The following LMF1 variants were observed in gnomAD, a reference collection of about 807,000 sequenced individuals.
LMF1 encodes transmembrane protein 112.
A neutral mutation model predicts 60.6 loss-of-function variants in LMF1; 68 were observed. The observed-to-expected ratio is 1.12, with a 90% CI of 0.92 to 1.37. The LOEUF (loss-of-function observed/expected upper bound fraction) is 1.37. Among genes scored for constraint, LMF1 ranks in the 40% most tolerant of loss-of-function variants. The pLI, the probability that LMF1 is intolerant of heterozygous loss-of-function variation, is 0.00. For missense variants in LMF1, 948 were observed against 767.2 expected, an observed-to-expected ratio of 1.24 and a Z score of -2.78; for synonymous variants, 418 against 324.7, an observed-to-expected ratio of 1.29 and a Z score of -3.09.
intron 3 of LMF1, among the ~76,000 whole-genome samples, chr16:930,623 G>A (rs961813841): frequency 3.3e-5 from 5 of 152,240 alleles, no homozygotes; most frequent in Admixed American, 6.5e-5. Flanking sequence ...CACTAGCGAC[G>A]GGGGCTGTGC....
At chr16:893,853 C>T (rs982159514) in intron 4 of LMF1, among the ~76,000 whole-genome samples, 3 of 152,242 alleles carry the variant, frequency 2.0e-5, no homozygotes, top group Middle Eastern at 3.4e-3. Context: ...CACAGATTCA[C>T]ATCCAGCGTC....
In LMF1 at chr16:856,030, T is replaced by G. The variant is rs1232956290; in HGVS notation, c.1530-1324A>C. ...GAAAACCGGGAAGACAGAGACCCTCTGGGTGGAGGAGGGTCCCTGAGGCGC... is the reference window on the plus strand; with the variant it reads ...GAAAACCGGGAAGACAGAGACCCTCGGGGTGGAGGAGGGTCCCTGAGGCGC... On this transcript the variant is annotated intron_variant, in intron 10 of 10. Transcript: ENST00000262301. The G allele has an allele frequency of 8.9e-6, 4 of 451,656 alleles. No individual in the cohort carries two copies. The East Asian group carries it at 2.8e-4, about 31-fold the overall frequency. The allele number at this position is 451,656 out of a possible 1,614,324, so 28.0% of individuals were successfully genotyped here.
intron 3 of LMF1, chr16:933,083 C>G (rs1311449380): frequency 6.6e-6 from 1 of 152,228 alleles, no homozygotes; most frequent in African/African-American, 2.4e-5. Flanking sequence ...GAAATAATTC[C>G]TTGCTTCTTG....
Position 962,664 on chromosome 16 carries a change from G to C in LMF1, c.194-7998C>G, listed in dbSNP as rs377211188. Among the ~76,000 whole-genome samples, 1 of 152,198 alleles carries C rather than the reference G, an allele frequency of 6.6e-6. No individual in the cohort carries two copies. Among genetic ancestry groups the C allele is most frequent in the Admixed American group, 6.5e-5 (1 of 15,286 alleles). On this transcript the variant is annotated intron_variant, in intron 1 of 10. Transcript: ENST00000262301. This position sits in a 1 kb window ranked among gnomAD's most constrained non-coding sequence, Gnocchi z 4.5. Reference sequence around the variant, plus strand: ...TACAGACGCCATGACAGGCCTGCTTGACACTGTCAAGGTCGGAATCCTGCA... The same window carrying C: ...TACAGACGCCATGACAGGCCTGCTTCACACTGTCAAGGTCGGAATCCTGCA...
chr16:921,787 C>T (rs73499221), intron 3 of LMF1, among the ~76,000 whole-genome samples: 17,855 of 152,182 alleles, frequency 0.12, 1,195 homozygotes, highest in Non-Finnish European at 0.16. Context: ...CAGCAAACCC[C>T]GTGAACAGAA....
intron 1 of LMF1, among the ~76,000 whole-genome samples, chr16:955,487 C>CT (rs2072675150): frequency 8.0e-6 from 1 of 125,150 alleles, no homozygotes; most frequent in Non-Finnish European, 1.7e-5. Context: ...ACACACACAT[C>CT]TAAGTAAACT....
chr16:889,018 G>A (rs959965412), intron 5 of LMF1, among the ~76,000 whole-genome samples: 9 of 152,188 alleles, frequency 5.9e-5, no homozygotes, highest in South Asian at 2.1e-4. Flanking sequence ...GAGAGCAAGC[G>A]GCCGTCCATG....
At chr16:974,065 G>T (rs1020385226), upstream of LMF1, among the ~76,000 whole-genome samples, 2 of 151,908 alleles carry the variant, frequency 1.3e-5, no homozygotes, top group Non-Finnish European at 2.9e-5. Context: ...GCCCTGCACT[G>T]GTGTTTCAGA....
chr16:918,419 A>C lies in LMF1; in HGVS notation c.515-7340T>G, dbSNP rs77101970. Among the ~76,000 whole-genome samples, 408 of 152,316 alleles carry C rather than the reference A, an allele frequency of 2.7e-3. 5 individuals carry two copies. Among genetic ancestry groups the C allele is most frequent in the African/African-American group, 9.4e-3 (392 of 41,572 alleles). Reference sequence around the variant, plus strand: ...TTTATTGGTTTTGGATAAATACGAAAATGCTTCCCGTCCACGGAAATTAGA... The same window carrying C: ...TTTATTGGTTTTGGATAAATACGAACATGCTTCCCGTCCACGGAAATTAGA... On this transcript the variant is annotated intron_variant, in intron 3 of 10. Transcript: ENST00000262301.
At chr16:919,472 C>T (rs1183853405) in intron 3 of LMF1, among the ~76,000 whole-genome samples, 1 of 87,814 alleles carries the variant, frequency 1.1e-5, no homozygotes, top group Non-Finnish European at 2.1e-5. Flanking sequence ...CTCCAGCGCT[C>T]GCGTGAGGAC....
chr16:914,823 A>G (rs1321599862), intron 3 of LMF1, among the ~76,000 whole-genome samples: 1 of 121,738 alleles, frequency 8.2e-6, no homozygotes. Context: ...TCCCATGACC[A>G]TCTCCCTCTC....
chr16:948,432 C>CCAACGACAGAGTCAGAGA (rs1236672312), intron 2 of LMF1, among the ~76,000 whole-genome samples: 2 of 139,092 alleles, frequency 1.4e-5, no homozygotes, highest in African/African-American at 5.4e-5. Context: ...ACAGAGTCAG[C>CCAACGACAGAGTCAGAGA]CAACGACAGA....
Position 853,883 on chromosome 16 carries a change from G to GT in LMF1, c.*648_*649insA, listed in dbSNP as rs1249717544. 2.2e-6 allele frequency: 1 copy of GT among 454,142 alleles called. No individual in the cohort carries two copies. Among genetic ancestry groups the GT allele is most frequent in the Non-Finnish European group, 4.4e-6 (1 of 226,792 alleles). The allele number at this position is 454,142 out of a possible 1,614,324, so 28.1% of individuals were successfully genotyped here. Reference sequence around the variant, plus strand: ...CACCTCACAGACACCAGTCATGGGGGGATGAAACCGGGCCAAGAACACATG... The same window carrying GT: ...CACCTCACAGACACCAGTCATGGGGGTGATGAAACCGGGCCAAGAACACATG... On this transcript the variant is annotated 3_prime_UTR_variant, in exon 11 of 11. Transcript: ENST00000262301.
At chr16:889,038 T>C (rs746665127) in intron 5 of LMF1, among the ~76,000 whole-genome samples, 7 of 152,172 alleles carry the variant, frequency 4.6e-5, no homozygotes, top group Non-Finnish European at 8.8e-5. Flanking sequence ...GCATCCCCGG[T>C]GTCTCATGGG....
chr16:870,398 T>C (rs550811551), intron 8 of LMF1, among the ~76,000 whole-genome samples: 2 of 152,324 alleles, frequency 1.3e-5, no homozygotes, highest in East Asian at 3.9e-4. Flanking sequence ...AGGGTGCCTG[T>C]GTTCAGGTGG....
At chr16:916,473 T>C (rs1410270242) in intron 3 of LMF1, among the ~76,000 whole-genome samples, 1 of 152,232 alleles carries the variant, frequency 6.6e-6, no homozygotes, top group African/African-American at 2.4e-5. Context: ...GCTGAAAAGT[T>C]ATGAAATAGC....
At chr16:941,401 G>C (rs2072097950) in intron 2 of LMF1, among the ~76,000 whole-genome samples, 1 of 152,054 alleles carries the variant, frequency 6.6e-6, no homozygotes, top group Non-Finnish European at 1.5e-5. Context: ...TGTATTTTTA[G>C]TAAAGATGAG....
At chr16:965,661 T>G (rs541290052) in intron 1 of LMF1, among the ~76,000 whole-genome samples, 12 of 151,982 alleles carry the variant, frequency 7.9e-5, no homozygotes, top group Non-Finnish European at 1.6e-4. Flanking sequence ...GGGGATACAC[T>G]CCAGCAAAAA....
intron 3 of LMF1, among the ~76,000 whole-genome samples, chr16:927,180 C>T (rs766809168): frequency 5.9e-5 from 9 of 152,230 alleles, no homozygotes; most frequent in Non-Finnish European, 7.3e-5. Flanking sequence ...CCCTTTCTCA[C>T]CTTGGAAATG....
Sources: allele counts gnomAD v4.1 joint callset (sites outside exome capture counted in the v4.1 genomes callset), GRCh38; gene constraint gnomAD v4.1.1; non-coding constraint Gnocchi (gnomAD v3.1); transcripts MANE v1.5; gene names NCBI Gene and HGNC (gene_info 2026-07-23, HGNC 2026-07-21).